Variants in LRRTM4 observed in about 807,000 individuals in gnomAD.
The protein encoded by LRRTM4 is leucine-rich repeat transmembrane neuronal protein 4.
Under a neutral mutation model 47.6 loss-of-function variants are expected in LRRTM4, and 25 were observed. The observed-to-expected ratio is 0.53, with a 90% CI of 0.38 to 0.73. LRRTM4 has a LOEUF of 0.73. LRRTM4 is among the 30% of genes least tolerant of loss of function. The pLI, the probability that LRRTM4 is intolerant of heterozygous loss-of-function variation, is 0.00. For synonymous variants in LRRTM4, 311 were observed against 269.5 expected, an observed-to-expected ratio of 1.15 and a Z score of -1.51; for missense variants, 638 against 713.4, an observed-to-expected ratio of 0.89 and a Z score of 1.20.
chr2:77,089,698 CCT>C (rs1680864599), intron 3 of LRRTM4, among the ~76,000 whole-genome samples: 1 of 151,730 alleles, frequency 6.6e-6, no homozygotes, highest in Non-Finnish European at 1.5e-5. Flanking sequence ...AAACTTAAAA[CCT>C]CTTCAACTCA....
At chr2:76,951,096 A>T (rs1322138854) in intron 3 of LRRTM4, among the ~76,000 whole-genome samples, 1 of 148,062 alleles carries the variant, frequency 6.8e-6, no homozygotes, top group Admixed American at 7.0e-5. Flanking sequence ...GAAGGTTTAT[A>T]CAAAAGTCAA....
chr2:77,024,398 G>A (rs1573465666), intron 3 of LRRTM4, among the ~76,000 whole-genome samples: 1 of 150,702 alleles, frequency 6.6e-6, no homozygotes, highest in South Asian at 2.1e-4. Context: ...CATCAATGTT[G>A]TCACAATTGG....
intron 3 of LRRTM4, among the ~76,000 whole-genome samples, chr2:77,324,675 G>A (rs1170365622): frequency 2.0e-5 from 3 of 152,224 alleles, no homozygotes; most frequent in East Asian, 1.9e-4. Context: ...AGAGGTTGAC[G>A]AAAACAAGAT....
chr2:77,075,416 G>A (rs972518998), intron 3 of LRRTM4, among the ~76,000 whole-genome samples: 2 of 152,066 alleles, frequency 1.3e-5, no homozygotes, highest in African/African-American at 4.8e-5. Context: ...GGCTTTATAT[G>A]TAGGTTTACA....
At chr2:77,072,450 G>T (rs1051252575) in intron 3 of LRRTM4, among the ~76,000 whole-genome samples, 1 of 152,098 alleles carries the variant, frequency 6.6e-6, no homozygotes, top group Non-Finnish European at 1.5e-5. Context: ...TGAATCCAAA[G>T]ATTTAGAGCA....
intron 3 of LRRTM4, among the ~76,000 whole-genome samples, chr2:76,932,474 T>G (rs934549221): frequency 3.3e-5 from 5 of 151,856 alleles, no homozygotes; most frequent in Non-Finnish European, 7.4e-5. Context: ...GCCAGTGGAG[T>G]AAAGTGAAAG....
chr2:76,885,098 TTTC>T (rs1316195778), intron 3 of LRRTM4, among the ~76,000 whole-genome samples: 2 of 151,974 alleles, frequency 1.3e-5, no homozygotes, highest in Non-Finnish European at 2.9e-5. Context: ...GTTGACTGAT[TTTC>T]TTCTTTATAA....
intron 3 of LRRTM4, among the ~76,000 whole-genome samples, chr2:77,368,081 G>C (rs1672526165): frequency 6.6e-6 from 1 of 151,454 alleles, no homozygotes; most frequent in Non-Finnish European, 1.5e-5. Flanking sequence ...CTTAAACCTA[G>C]ATTTGCCTTC....
At chr2:76,955,629 T>C (rs570929319) in intron 3 of LRRTM4, among the ~76,000 whole-genome samples, 7 of 151,892 alleles carry the variant, frequency 4.6e-5, no homozygotes, top group Admixed American at 3.9e-4. Context: ...CGATGCTATG[T>C]AGAGGTGGGG....
At chr2:77,313,542 A>G (rs74322051) in intron 3 of LRRTM4, among the ~76,000 whole-genome samples, 3,594 of 149,772 alleles carry the variant, frequency 0.024, 64 homozygotes, top group Non-Finnish European at 0.035. Context: ...ACCTGGTGCT[A>G]TGACGTGCCT....
intron 3 of LRRTM4, among the ~76,000 whole-genome samples, chr2:77,392,172 T>A (rs1209968371): frequency 6.6e-6 from 1 of 151,928 alleles, no homozygotes; most frequent in Non-Finnish European, 1.5e-5. Context: ...TACCACAATC[T>A]CCATCCCTAT....
At chr2:77,159,389 G>T (rs1321433326) in intron 3 of LRRTM4, among the ~76,000 whole-genome samples, 1 of 152,038 alleles carries the variant, frequency 6.6e-6, no homozygotes, top group African/African-American at 2.4e-5. Context: ...GGGAGAGGGA[G>T]GAGGGATAGC....
At chr2:76,785,829 A>T (rs1231841551) in intron 3 of LRRTM4, among the ~76,000 whole-genome samples, 1 of 152,148 alleles carries the variant, frequency 6.6e-6, no homozygotes, top group East Asian at 1.9e-4. Context: ...ATTTATAAAG[A>T]TGGGTATTTT....
At chr2:76,901,440 C>G (rs1162123181) in intron 3 of LRRTM4, among the ~76,000 whole-genome samples, 2 of 151,992 alleles carry the variant, frequency 1.3e-5, no homozygotes, top group Non-Finnish European at 1.5e-5. Context: ...TTTTCTTTAT[C>G]TAGTCTATCA....
intron 3 of LRRTM4, among the ~76,000 whole-genome samples, chr2:77,136,624 G>C (rs558652388): frequency 6.6e-6 from 1 of 152,338 alleles, no homozygotes; most frequent in South Asian, 2.1e-4. Context: ...AAGCTGGATA[G>C]AGAATGACTT....
intron 3 of LRRTM4, among the ~76,000 whole-genome samples, chr2:76,900,148 G>C (rs573491224): frequency 6.6e-6 from 1 of 151,966 alleles, no homozygotes. Flanking sequence ...GTGGGAGATT[G>C]GCTTGAATCT....
At chr2:76,974,187 C>CAT (rs577436565) in intron 3 of LRRTM4, among the ~76,000 whole-genome samples, 2,599 of 107,396 alleles carry the variant, frequency 0.024, 76 homozygotes, top group East Asian at 0.2. Flanking sequence ...TATATACATA[C>CAT]ATATATATAC....
At chr2:77,078,161 TA>T (rs1346156951) in intron 3 of LRRTM4, among the ~76,000 whole-genome samples, 1 of 152,198 alleles carries the variant, frequency 6.6e-6, no homozygotes, top group African/African-American at 2.4e-5. Flanking sequence ...TTAACTTAAA[TA>T]AAAATACCTC....
At chr2:77,225,378 A>C (rs534345036) in intron 3 of LRRTM4, among the ~76,000 whole-genome samples, 1 of 152,042 alleles carries the variant, frequency 6.6e-6, no homozygotes, top group East Asian at 1.9e-4. Flanking sequence ...ATAAAATAAA[A>C]AAAAAGACCC....
Sources: allele counts gnomAD v4.1 joint callset (sites outside exome capture counted in the v4.1 genomes callset), GRCh38; gene constraint gnomAD v4.1.1; transcripts MANE v1.5; gene names NCBI Gene and HGNC (gene_info 2026-07-23, HGNC 2026-07-21).